GTF2E1: variants seen among roughly 807,000 people sequenced by gnomAD.
The protein encoded by GTF2E1 is TFIIE alpha subunit.
GTF2E1 carries 14 observed loss-of-function variants against 34.9 expected under a neutral mutation model. That is an observed-to-expected ratio of 0.40 (90% CI 0.27 to 0.63). The LOEUF is 0.63. Among genes scored for constraint, GTF2E1 ranks in the 20% least tolerant of loss-of-function variants. The pLI, the probability that GTF2E1 is intolerant of heterozygous loss-of-function variation, is 0.39. For synonymous variants in GTF2E1, 188 were observed against 192.9 expected, an observed-to-expected ratio of 0.97 and a Z score of 0.21; for missense variants, 469 against 557.7, an observed-to-expected ratio of 0.84 and a Z score of 1.60.
chr3:120,761,147 G>C (rs1294042750), intron 2 of GTF2E1, among the ~76,000 whole-genome samples: 1 of 152,054 alleles, frequency 6.6e-6, no homozygotes, highest in Non-Finnish European at 1.5e-5. Flanking sequence ...TTTAGTCTTG[G>C]GAGGGTATAT....
At chr3:120,749,306 A>G (rs1035074380) in intron 1 of GTF2E1, among the ~76,000 whole-genome samples, 47 of 152,210 alleles carry the variant, frequency 3.1e-4, no homozygotes, top group African/African-American at 6.0e-4. Context: ...TAGGAGTGGT[A>G]AGAGAGGGCA....
intron 2 of GTF2E1, among the ~76,000 whole-genome samples, chr3:120,769,038 A>G (rs568869441): frequency 3.3e-5 from 5 of 152,216 alleles, no homozygotes; most frequent in South Asian, 4.1e-4. Flanking sequence ...GGATGCTTCT[A>G]TCTACTATAT....
At chr3:120,748,773 T>C (rs1447151719) in intron 1 of GTF2E1, among the ~76,000 whole-genome samples, 1 of 152,202 alleles carries the variant, frequency 6.6e-6, no homozygotes, top group African/African-American at 2.4e-5. Flanking sequence ...AGTAGTTTTT[T>C]CCAATTCTGT....
chr3:120,763,623 GT>G (rs1709283285), intron 2 of GTF2E1, among the ~76,000 whole-genome samples: 1 of 151,996 alleles, frequency 6.6e-6, no homozygotes, highest in African/African-American at 2.4e-5. Context: ...AATGTCTTTT[GT>G]TTTTTTCTTT....
At chr3:120,762,590 A>G (rs1709273708) in intron 2 of GTF2E1, among the ~76,000 whole-genome samples, 1 of 152,138 alleles carries the variant, frequency 6.6e-6, no homozygotes, top group Non-Finnish European at 1.5e-5. Context: ...AACACTTATT[A>G]TGTTGGGTCC....
At chr3:120,758,072 A>T (rs1046264225) in intron 2 of GTF2E1, among the ~76,000 whole-genome samples, 1 of 152,202 alleles carries the variant, frequency 6.6e-6, no homozygotes, top group Non-Finnish European at 1.5e-5. Flanking sequence ...AGGCACAAGG[A>T]TTACTTGAAC....
At chr3:120,767,823 A>T (rs1213105028) in intron 2 of GTF2E1, among the ~76,000 whole-genome samples, 2 of 152,186 alleles carry the variant, frequency 1.3e-5, no homozygotes, top group Admixed American at 1.3e-4. Context: ...TAGGTGCCTT[A>T]TGACTATATA....
chr3:120,766,648 T>C (rs1709311647), intron 2 of GTF2E1, among the ~76,000 whole-genome samples: 1 of 152,110 alleles, frequency 6.6e-6, no homozygotes, highest in African/African-American at 2.4e-5. Context: ...CTCAATAAGC[T>C]TTTCCTAGTG....
At chr3:120,778,804 G>A (rs1027390307) in intron 4 of GTF2E1, among the ~76,000 whole-genome samples, 2 of 152,170 alleles carry the variant, frequency 1.3e-5, no homozygotes, top group Admixed American at 6.5e-5. Flanking sequence ...GTTCTTCTGT[G>A]CCTTGAATCC....
At chr3:120,777,213 T>C (rs935397635) in intron 4 of GTF2E1, among the ~76,000 whole-genome samples, 2 of 152,340 alleles carry the variant, frequency 1.3e-5, no homozygotes, top group Admixed American at 1.3e-4. Flanking sequence ...GGTTAAGAAT[T>C]GCATACTAAT....
At chr3:120,763,733 T>G (rs1709284250) in intron 2 of GTF2E1, among the ~76,000 whole-genome samples, 1 of 152,176 alleles carries the variant, frequency 6.6e-6, no homozygotes, top group Admixed American at 6.5e-5. Flanking sequence ...TATCTCTTGC[T>G]TAGATTTTGC....
intron 3 of GTF2E1, among the ~76,000 whole-genome samples, chr3:120,773,757 C>T (rs1709375580): frequency 6.6e-6 from 1 of 152,108 alleles, no homozygotes; most frequent in South Asian, 2.1e-4. Context: ...AAGATTCAAA[C>T]ATGAATTGTC....
chr3:120,772,110 G>T (rs989019323), intron 3 of GTF2E1, among the ~76,000 whole-genome samples: 2 of 152,100 alleles, frequency 1.3e-5, no homozygotes, highest in Admixed American at 6.6e-5. Flanking sequence ...TAGGTATCAC[G>T]TGCAGATGAC....
intron 2 of GTF2E1, among the ~76,000 whole-genome samples, chr3:120,764,332 TG>T (rs1709289170): frequency 1.3e-5 from 2 of 152,158 alleles, no homozygotes; most frequent in Admixed American, 1.3e-4. Flanking sequence ...TCAGAAGCCC[TG>T]GGGATATCAA....
At chr3:120,751,200 T>G in intron 2 of GTF2E1, 200 bp downstream of exon 2, 1 of 519,784 alleles carries the variant, frequency 1.9e-6, no homozygotes, top group Non-Finnish European at 3.4e-6. Flanking sequence ...GCGTTTCTCC[T>G]TTACAAGGGA....
intron 2 of GTF2E1, among the ~76,000 whole-genome samples, chr3:120,764,042 T>C (rs1559832419): frequency 2.0e-5 from 3 of 152,190 alleles, no homozygotes. Context: ...TTATTTGCCT[T>C]TTTGCATGCT....
At chr3:120,748,464 C>A (rs1002936727) in intron 1 of GTF2E1, among the ~76,000 whole-genome samples, 2 of 152,202 alleles carry the variant, frequency 1.3e-5, no homozygotes, top group Non-Finnish European at 2.9e-5. Flanking sequence ...CAGCTTTCTC[C>A]ATGTGGCTAG....
In GTF2E1 at chr3:120,781,386, A is replaced by G. The variant is rs976790951; in HGVS notation, c.1236A>G (p.Pro412=). 1.9e-6 allele frequency: 3 copies of G among 1,614,060 alleles called. No individual in the cohort carries two copies. The highest frequency in any genetic ancestry group is 2.5e-6 in the Non-Finnish European group (3 of 1,179,982). Residue 412 remains proline, a synonymous_variant, in exon 5 of 5, where the codon CCA becomes CCG. Coordinates refer to ENST00000283875, the MANE Select transcript of GTF2E1 (RefSeq NM_005513.3). ...PFSYSEVSQR[P]ELVAQMTPEE... ...CCTACAGTGAAGTGAGCCAACGGCC[A>G]GAGCTAGTGGCCCAGATGACACCAG... is the stretch of plus-strand genomic sequence containing the variant.
chr3:120,757,451 G>T (rs1709218718), intron 2 of GTF2E1, among the ~76,000 whole-genome samples: 2 of 151,420 alleles, frequency 1.3e-5, no homozygotes, highest in African/African-American at 4.8e-5. Flanking sequence ...TGAGTATTTT[G>T]CAGTGTTAAG....
Sources: allele counts gnomAD v4.1 joint callset (sites outside exome capture counted in the v4.1 genomes callset), GRCh38; gene constraint gnomAD v4.1.1; transcripts MANE v1.5; gene names NCBI Gene and HGNC (gene_info 2026-07-23, HGNC 2026-07-21).